Variants in TNFRSF13B observed in about 807,000 individuals in gnomAD.
TNFRSF13B encodes TNF receptor superfamily member 13B, also known as tumor necrosis factor receptor superfamily member 13B.
TNFRSF13B carries 34 observed loss-of-function variants against 24.0 expected under a neutral mutation model. That is an observed-to-expected ratio of 1.41 (90% CI 1.08 to 1.88). The LOEUF is 1.88. Ranked by LOEUF, TNFRSF13B falls within the 40% of genes most tolerant of loss-of-function variation. The pLI is 0.00. For synonymous variants in TNFRSF13B, 173 were observed against 150.3 expected, an observed-to-expected ratio of 1.15 and a Z score of -1.10; for missense variants, 415 against 380.8, an observed-to-expected ratio of 1.09 and a Z score of -0.75.
chr17:16,942,852 C>T (rs1164703593), intron 3 of TNFRSF13B, among the ~76,000 whole-genome samples: 1 of 152,206 alleles, frequency 6.6e-6, no homozygotes, highest in African/African-American at 2.4e-5. Context: ...GACATCATGC[C>T]CTGTGGACCT....
chr17:16,942,963 T>C (rs2087522349), intron 3 of TNFRSF13B, among the ~76,000 whole-genome samples: 2 of 152,148 alleles, frequency 1.3e-5, no homozygotes, highest in Admixed American at 6.5e-5. Flanking sequence ...AGCCTCGGTG[T>C]TTGCTCCCTT....
At chr17:16,965,346 C>T (rs1481913921) in intron 1 of TNFRSF13B, among the ~76,000 whole-genome samples, 4 of 152,192 alleles carry the variant, frequency 2.6e-5, no homozygotes, top group Admixed American at 1.3e-4. Context: ...AGAACCTGAA[C>T]TCCCAGAACC....
chr17:16,944,172 C>T (rs868370043), intron 3 of TNFRSF13B, among the ~76,000 whole-genome samples: 2 of 152,120 alleles, frequency 1.3e-5, no homozygotes, highest in Non-Finnish European at 2.9e-5. Flanking sequence ...GCTGGGAGCC[C>T]GAGAGGAAGG....
intron 1 of TNFRSF13B, among the ~76,000 whole-genome samples, chr17:16,971,268 G>C (rs1597671829): frequency 6.6e-6 from 1 of 152,100 alleles, no homozygotes; most frequent in Non-Finnish European, 1.5e-5. Flanking sequence ...AGAATGGCTT[G>C]AACCCGGGAG....
chr17:16,946,599 T>TTTA (rs2087551214), intron 3 of TNFRSF13B, among the ~76,000 whole-genome samples: 1 of 146,924 alleles, frequency 6.8e-6, no homozygotes, highest in Admixed American at 6.7e-5. Flanking sequence ...TTTATTTATT[T>TTTA]TTTTTTGAGA....
chr17:16,942,505 A>C (rs1343367587), intron 3 of TNFRSF13B, among the ~76,000 whole-genome samples: 1 of 152,162 alleles, frequency 6.6e-6, no homozygotes, highest in African/African-American at 2.4e-5. Flanking sequence ...CCTTCTGTCC[A>C]GTGCCCAGAG....
intron 3 of TNFRSF13B, among the ~76,000 whole-genome samples, chr17:16,944,850 G>A (rs1403757145): frequency 2.0e-5 from 3 of 152,138 alleles, no homozygotes; most frequent in South Asian, 4.1e-4. Context: ...GGGAGCCCAC[G>A]GAAGGGGGCA....
Position 16,939,761 on chromosome 17 carries a change from G to T in TNFRSF13B, c.668C>A (p.Ser223Tyr). 1.9e-6 allele frequency: 3 copies of T among 1,611,452 alleles called. No homozygotes were observed. The South Asian group carries it at 3.3e-5, about 18-fold the overall frequency. ...GCTGCAGGTCTCCACTGGCTCGGGG[G>T]ATGTGCTCACAGGGCTGCCGGCTTC... Reference protein sequence around the residue: ...AMEAGSPVSTSPEPVETCSFC... With the variant: ...AMEAGSPVSTYPEPVETCSFC... The change falls in exon 5 of 5, where the codon TCC becomes TAC. Residue 223 changes from serine (S) to tyrosine (Y), a missense_variant. By Grantham distance (144) the Ser-to-Tyr change is moderately radical. Coordinates refer to ENST00000261652, the MANE Select transcript of TNFRSF13B (RefSeq NM_012452.3).
chr17:16,947,569 C>T (rs1597660561), intron 3 of TNFRSF13B, among the ~76,000 whole-genome samples: 1 of 152,186 alleles, frequency 6.6e-6, no homozygotes, highest in African/African-American at 2.4e-5. Context: ...CAAAAGAAGA[C>T]ATGCAAGCAG....
chr17:16,966,338 T>C (rs2087699350), intron 1 of TNFRSF13B, among the ~76,000 whole-genome samples: 1 of 150,452 alleles, frequency 6.6e-6, no homozygotes, highest in South Asian at 2.1e-4. Flanking sequence ...AACACCCAAT[T>C]CCAAAGACAT....
intron 3 of TNFRSF13B, among the ~76,000 whole-genome samples, chr17:16,944,091 T>A (rs2087530689): frequency 6.6e-6 from 1 of 152,114 alleles, no homozygotes; most frequent in African/African-American, 2.4e-5. Flanking sequence ...GAGCGGTCAG[T>A]CTCTACCTTC....
intron 1 of TNFRSF13B, among the ~76,000 whole-genome samples, chr17:16,968,120 G>A (rs1402466936): frequency 2.9e-5 from 4 of 137,196 alleles, no homozygotes; most frequent in South Asian, 2.3e-4. Context: ...CAGCCTGGGC[G>A]ACAAGAGCGA....
chr17:16,950,619 A>G (rs566871944), intron 2 of TNFRSF13B, among the ~76,000 whole-genome samples: 1 of 152,214 alleles, frequency 6.6e-6, no homozygotes, highest in Non-Finnish European at 1.5e-5. Context: ...TGCATCACAC[A>G]GGGTTAGCCC....
Position 16,966,839 on chromosome 17 carries a change from CTTT to C in TNFRSF13B, c.61+5173_61+5175del, listed in dbSNP as rs71152837. 2.1e-4 allele frequency among the ~76,000 whole-genome samples: 10 copies of C among 47,358 alleles called. No homozygotes were observed. The South Asian group carries it at 3.1e-3, about 15-fold the overall frequency. 31.1% of individuals were successfully genotyped at this position (47,358 alleles called of 152,430 possible). A position where few individuals can be genotyped will look rare whatever the true frequency, so the allele number is the denominator to read the frequency against. On this transcript the variant is annotated intron_variant, in intron 1 of 4. Coordinates refer to ENST00000261652, the MANE Select transcript of TNFRSF13B (RefSeq NM_012452.3). ...TTTTTGTTTTTTCTTTTTCTTTTTT[CTTT>C]TTTTTTTTTTTTTTGAGATGGAGTC...
Position 16,952,497 on chromosome 17 carries a change from A to G in TNFRSF13B, c.148T>C (p.Cys50Arg), listed in dbSNP as rs778514858. ...CTCTGATGGTTGCAAATGGTTTTGC[A>G]GGACATGCAGGTACCCAGCAGAGGA... Reference protein sequence around the residue: ...WDPLLGTCMSCKTICNHQSQR... With the variant: ...WDPLLGTCMSRKTICNHQSQR... Residue 50 changes from cysteine to arginine, a missense_variant, in exon 2 of 5, where the codon TGC (cysteine) becomes CGC (arginine). By Grantham distance (180) the Cys-to-Arg change is radical (BLOSUM62 -3). Transcript: ENST00000261652. The G allele has an allele frequency of 6.2e-7, 1 of 1,614,206 alleles. No homozygotes were observed. The highest frequency in any genetic ancestry group is 1.7e-5 in the Admixed American group (1 of 60,028).
chr17:16,962,204 A>AT (rs1394328743), intron 1 of TNFRSF13B, among the ~76,000 whole-genome samples: 11 of 152,192 alleles, frequency 7.2e-5, no homozygotes, highest in Non-Finnish European at 1.5e-4. Context: ...AACAAAAGAC[A>AT]TTACTGAGAA....
chr17:16,951,462 G>C (rs1351865625), intron 2 of TNFRSF13B, among the ~76,000 whole-genome samples: 1 of 152,234 alleles, frequency 6.6e-6, no homozygotes, highest in Non-Finnish European at 1.5e-5. Flanking sequence ...GGGAAAACTG[G>C]ATATTGCCTG....
At chr17:16,949,962 A>G (rs368527160) in intron 2 of TNFRSF13B, among the ~76,000 whole-genome samples, 110 of 152,316 alleles carry the variant, frequency 7.2e-4, no homozygotes, top group African/African-American at 2.5e-3. Flanking sequence ...CTGGGATTAC[A>G]GGTGGCATGA....
At position 16,951,915 on chromosome 17, in the gene TNFRSF13B, AAAAT is replaced by A. The variant is rs2087591596; in HGVS notation, c.199+527_199+530del. Among the ~76,000 whole-genome samples, 5 of 152,026 alleles carry A rather than the reference AAAAT, an allele frequency of 3.3e-5. No individual in the cohort carries two copies. The South Asian group carries it at 8.3e-4, about 25-fold the overall frequency. On this transcript the variant is annotated intron_variant, in intron 2 of 4. Transcript: ENST00000261652. ...AAAAATAAAAATAAAAATAAAAAATAAAATAAATAAAATAAAATACACAAGTCAA... is the reference window on the plus strand; with the variant it reads ...AAAAATAAAAATAAAAATAAAAAATAAAATAAAATAAAATACACAAGTCAA...
Sources: gnomAD v4.1 joint callset for allele counts (sites outside exome capture counted in the v4.1 genomes callset) on GRCh38, gnomAD v4.1.1 for gene constraint, MANE v1.5 for transcripts, NCBI Gene and HGNC (gene_info 2026-07-23, HGNC 2026-07-21) for gene names.